RARB: variants seen among roughly 807,000 people sequenced by gnomAD.
The protein encoded by RARB is retinoic acid receptor beta.
A neutral mutation model predicts 51.9 loss-of-function variants in RARB; 17 were observed. The ratio of observed to expected loss-of-function variants is 0.33; its 90% CI spans 0.22 to 0.49. RARB has a LOEUF of 0.49. RARB is among the 20% of genes least tolerant of loss of function. The pLI, the probability that RARB is intolerant of heterozygous loss-of-function variation, is 0.99. For synonymous variants in RARB, 215 were observed against 195.4 expected (o/e 1.10, Z -0.84); for missense variants, 369 against 550.8 (o/e 0.67, Z 3.30).
chr3:25,536,762 C>T (rs1380111260), intron 3 of RARB, among the ~76,000 whole-genome samples: 1 of 152,018 alleles, frequency 6.6e-6, no homozygotes, highest in African/African-American at 2.4e-5. Context: ...AGAAACTTAT[C>T]ACTGGGAGCA....
chr3:25,277,178 T>A (rs185611864), intron 5 of RARB, among the ~76,000 whole-genome samples: 1 of 152,258 alleles, frequency 6.6e-6, no homozygotes, highest in Admixed American at 6.5e-5. Context: ...ATGTTACTGG[T>A]AAGGAAGAAC....
chr3:25,058,969 C>G lies in RARB; in HGVS notation c.-379-1156C>G, dbSNP rs549533821. ...AAAAAAATTCCAAAAAAAATTTTAC[C>G]CATAATTCTACCACCAAGAGATAAC... On this transcript the variant is annotated intron_variant, in intron 2 of 11. Coordinates refer to the RARB transcript ENST00000383772. Among the ~76,000 whole-genome samples, 4 of 151,058 alleles carry G rather than the reference C, an allele frequency of 2.6e-5. No homozygotes were observed. In the South Asian group the frequency reaches 8.4e-4, roughly 32 times the overall value.
At chr3:25,075,099 C>T (rs1479313324) in intron 3 of RARB, among the ~76,000 whole-genome samples, 1 of 152,126 alleles carries the variant, frequency 6.6e-6, no homozygotes, top group African/African-American at 2.4e-5. Context: ...CTATGCTTAG[C>T]CATCAGGCAC....
chr3:25,251,152 T>C lies in RARB; in HGVS notation c.178+76577T>C, dbSNP rs184786751. On this transcript the variant is annotated intron_variant, in intron 5 of 11. Coordinates refer to the RARB transcript ENST00000383772. The stretch of plus-strand genomic sequence containing the variant: ...TGAATATGCATTCTTGACTGGCTTC[T>C]TTAACATATGTCAATATATTCAAGG... Among the ~76,000 whole-genome samples the C allele has an allele frequency of 2.0e-5, 3 of 152,300 alleles. No homozygotes were observed. The East Asian group carries it at 5.8e-4, about 29-fold the overall frequency.
At chr3:25,208,286 T>C (rs1701606464) in intron 5 of RARB, among the ~76,000 whole-genome samples, 3 of 152,200 alleles carry the variant, frequency 2.0e-5, no homozygotes, top group African/African-American at 7.2e-5. Context: ...GGATTTCAGT[T>C]TCAATCAGGG....
intron 2 of RARB, among the ~76,000 whole-genome samples, chr3:24,955,894 A>C (rs1696004173): frequency 6.6e-6 from 1 of 152,130 alleles, no homozygotes; most frequent in East Asian, 1.9e-4. Context: ...AATAGGTAAA[A>C]TATCTCTCTG....
At chr3:24,921,424 C>G (rs1211734901) in intron 2 of RARB, among the ~76,000 whole-genome samples, 4 of 152,138 alleles carry the variant, frequency 2.6e-5, no homozygotes, top group African/African-American at 9.7e-5. Flanking sequence ...CTGCCCCAAA[C>G]TCTGGAGCAC....
At chr3:25,415,712 A>G (rs931784034) in intron 5 of RARB, among the ~76,000 whole-genome samples, 2 of 152,216 alleles carry the variant, frequency 1.3e-5, no homozygotes, top group African/African-American at 4.8e-5. Context: ...TTGCCTTACA[A>G]CAGTAGATCA....
chr3:25,047,537 G>GTGT (rs1698241821), intron 2 of RARB, among the ~76,000 whole-genome samples: 2 of 152,218 alleles, frequency 1.3e-5, no homozygotes. Context: ...AAGGAACACG[G>GTGT]TGTTGCATAG....
chr3:25,391,554 T>A (rs886187422), intron 5 of RARB, among the ~76,000 whole-genome samples: 1 of 152,150 alleles, frequency 6.6e-6, no homozygotes, highest in Non-Finnish European at 1.5e-5. Flanking sequence ...CATACCAGCA[T>A]CTACTATTTT....
chr3:25,174,417 C>T lies in RARB; in HGVS notation c.20C>T (p.Ala7Val), dbSNP rs370145541. ...CGAAACATGACCACCAGCGGCCACG[C>T]ATGTCCGGTCCCAGCAGTGAACGGA... Residue 7 changes from alanine (A) to valine (V), a missense_variant, in exon 5 of 12, where the codon GCA becomes GTA. Ala to Val is a moderately conservative substitution (Grantham distance 64). Transcript: ENST00000383772. The T allele has an allele frequency of 3.8e-4, 510 of 1,352,022 alleles. No individual in the cohort carries two copies. The highest frequency in any genetic ancestry group is 5.7e-4 in the Admixed American group (30 of 52,568). 83.8% of individuals were successfully genotyped at this position (1,352,022 alleles called of 1,614,324 possible). A position where few individuals can be genotyped will look rare whatever the true frequency, so the allele number is the denominator to read the frequency against.
At chr3:24,942,129 C>G (rs921836814) in intron 2 of RARB, among the ~76,000 whole-genome samples, 11 of 152,328 alleles carry the variant, frequency 7.2e-5, no homozygotes, top group African/African-American at 2.4e-4. Context: ...TGTTCAAGGT[C>G]ACACCGCTAT....
At chr3:24,973,920 T>C (rs559135122) in intron 2 of RARB, among the ~76,000 whole-genome samples, 1 of 152,214 alleles carries the variant, frequency 6.6e-6, no homozygotes, top group East Asian at 1.9e-4. Flanking sequence ...ACTTCCTCCT[T>C]TCCAATTTGG....
At chr3:25,593,363 G>A in intron 5 of RARB, 140 bp from the exon 6 acceptor site, 1 of 756,448 alleles carries the variant, frequency 1.3e-6, no homozygotes. Flanking sequence ...AAGAGCTAAA[G>A]AAGACATTCA....
At chr3:25,124,398 C>A (rs1170156479) in intron 3 of RARB, among the ~76,000 whole-genome samples, 3 of 152,062 alleles carry the variant, frequency 2.0e-5, no homozygotes, top group African/African-American at 7.2e-5. Context: ...TGGATACAGC[C>A]CTTTCTTTAT....
intron 2 of RARB, among the ~76,000 whole-genome samples, chr3:25,495,590 C>T (rs1696983466): frequency 6.6e-6 from 1 of 152,182 alleles, no homozygotes; most frequent in Non-Finnish European, 1.5e-5. Context: ...ATAGCCTTCT[C>T]CACCATGTGA....
chr3:25,593,668 G>A lies in RARB; in HGVS notation c.952G>A (p.Glu318Lys). Reference sequence around the variant, plus strand: ...CCTGCCTTTGGAAATGGATGACACAGAAACAGGCCTTCTCAGTGCCATCTG... The same window carrying A: ...CCTGCCTTTGGAAATGGATGACACAAAAACAGGCCTTCTCAGTGCCATCTG... ...QLLPLEMDDTETGLLSAICLI... is the reference protein window; with the variant it reads ...QLLPLEMDDTKTGLLSAICLI... Residue 318 changes from glutamate to lysine, a missense_variant, in exon 6 of 8, where the codon GAA becomes AAA. Physicochemically the swap from Glu to Lys is moderately conservative, Grantham distance 56. Coordinates refer to ENST00000330688, the MANE Select transcript of RARB (RefSeq NM_000965.5). 6.2e-7 allele frequency: 1 copy of A among 1,614,120 alleles called. No homozygotes were observed. The highest frequency in any genetic ancestry group is 8.5e-7 in the Non-Finnish European group (1 of 1,179,964).
intron 3 of RARB, among the ~76,000 whole-genome samples, chr3:25,552,792 G>T (rs1426092508): frequency 6.6e-6 from 1 of 152,146 alleles, no homozygotes; most frequent in African/African-American, 2.4e-5. Flanking sequence ...AAATAATCTT[G>T]GGAGGTGTGG....
intron 5 of RARB, among the ~76,000 whole-genome samples, chr3:25,338,079 C>G (rs1201752510): frequency 1.5e-5 from 2 of 131,472 alleles, no homozygotes; most frequent in African/African-American, 2.7e-5. Context: ...GTGTATGTCA[C>G]CCCCCTCCAA....
Sources: gnomAD v4.1 joint callset for allele counts (sites outside exome capture counted in the v4.1 genomes callset) on GRCh38, gnomAD v4.1.1 for gene constraint, MANE v1.5 for transcripts, NCBI Gene and HGNC (gene_info 2026-07-23, HGNC 2026-07-21) for gene names.